The following MOB3B variants were observed in gnomAD, a reference collection of about 807,000 sequenced individuals.
MOB3B encodes MOB kinase activator-like 2B.
In MOB3B, 7 loss-of-function variants were observed where a neutral mutation model predicts 18.7. That is an observed-to-expected ratio of 0.37 (90% CI 0.21 to 0.70). The LOEUF is 0.70. Among genes scored for constraint, MOB3B ranks in the 30% least tolerant of loss-of-function variants. The pLI, the probability that MOB3B is intolerant of heterozygous loss-of-function variation, is 0.52. For synonymous variants in MOB3B, 111 were observed against 99.9 expected (o/e 1.11, Z -0.66); for missense variants, 253 against 281.3 (o/e 0.90, Z 0.72).
chr9:27,524,623 A>T (rs768558617), intron 1 of MOB3B: 9 of 1,614,046 alleles, frequency 5.6e-6, no homozygotes, highest in Non-Finnish European at 6.8e-6. Flanking sequence ...CAGGCCTTCA[A>T]CATCTTCAGC....
intron 3 of MOB3B, among the ~76,000 whole-genome samples, chr9:27,337,263 C>T (rs535498251): frequency 5.9e-5 from 9 of 152,338 alleles, no homozygotes; most frequent in Admixed American, 1.3e-4. Flanking sequence ...GGAAGCCTTT[C>T]GTCTCACAAA....
chr9:27,521,638 T>C lies in MOB3B; in HGVS notation c.-199+7917A>G, dbSNP rs549439949. Among the ~76,000 whole-genome samples, 12 of 152,320 alleles carry C rather than the reference T, an allele frequency of 7.9e-5. No homozygotes were observed. In the South Asian group the frequency reaches 8.3e-4, roughly 11 times the overall value. On this transcript the variant is annotated intron_variant, in intron 1 of 3. Coordinates refer to ENST00000262244, the MANE Select transcript of MOB3B (RefSeq NM_024761.5). ...AGAAGTTTTAGGTAGAGAAGTTATA[T>C]GAGGTATGTAAAAAGCCATGGCCCT...
At chr9:27,469,199 C>T (rs1357423553) in intron 1 of MOB3B, among the ~76,000 whole-genome samples, 2 of 152,242 alleles carry the variant, frequency 1.3e-5, no homozygotes, top group South Asian at 2.1e-4. Context: ...AAATCCTGGG[C>T]TCAAGCAGTC....
chr9:27,442,266 A>T (rs1403034312), intron 2 of MOB3B, among the ~76,000 whole-genome samples: 1 of 152,220 alleles, frequency 6.6e-6, no homozygotes, highest in Non-Finnish European at 1.5e-5. Flanking sequence ...GGGTTCTGAA[A>T]CCACAGAAAA....
At chr9:27,484,156 C>A (rs140417325) in intron 1 of MOB3B, among the ~76,000 whole-genome samples, 2 of 152,322 alleles carry the variant, frequency 1.3e-5, no homozygotes, top group African/African-American at 4.8e-5. Flanking sequence ...CAGGTCCTAT[C>A]ACAGTTGTCT....
At chr9:27,364,078 C>T (rs1821311181) in intron 2 of MOB3B, among the ~76,000 whole-genome samples, 2 of 152,282 alleles carry the variant, frequency 1.3e-5, no homozygotes, top group South Asian at 4.1e-4. Context: ...ACTTAGCTTG[C>T]TTGTGGAAGG....
chr9:27,359,869 G>T (rs1395759049), intron 2 of MOB3B, among the ~76,000 whole-genome samples: 1 of 152,174 alleles, frequency 6.6e-6, no homozygotes, highest in African/African-American at 2.4e-5. Context: ...GCAACAAATT[G>T]CAGGATCGCA....
intron 1 of MOB3B, among the ~76,000 whole-genome samples, chr9:27,489,742 T>C (rs1321781445): frequency 2.5e-5 from 1 of 39,448 alleles, no homozygotes; most frequent in Admixed American, 3.8e-4. Flanking sequence ...GGAAATAATC[T>C]TTTTTTTTTT....
intron 1 of MOB3B, among the ~76,000 whole-genome samples, chr9:27,507,478 C>T (rs887434724): frequency 1.3e-5 from 2 of 152,186 alleles, no homozygotes; most frequent in African/African-American, 4.8e-5. Context: ...GTCAACTGGT[C>T]TAGAACAAGT....
chr9:27,330,706 G>A lies in MOB3B; in HGVS notation c.622-90C>T, dbSNP rs1820774570. The A allele has an allele frequency of 5.2e-6, 8 of 1,550,146 alleles. No homozygotes were observed. The Admixed American group carries it at 1.1e-4, about 21-fold the overall frequency. On this transcript the variant is annotated intron_variant, in intron 3 of 3. Coordinates refer to ENST00000262244, the MANE Select transcript of MOB3B (RefSeq NM_024761.5). ...ATCCTGAAAATGCTCTTGGAATCTC[G>A]AGAGCCTGTAAATGAAAGCTTGCAA...
At chr9:27,523,656 T>C (rs1233427893) in intron 1 of MOB3B, among the ~76,000 whole-genome samples, 1 of 152,174 alleles carries the variant, frequency 6.6e-6, no homozygotes, top group Non-Finnish European at 1.5e-5. Context: ...CATTTTCTAA[T>C]GCAACAGAAA....
intron 2 of MOB3B, among the ~76,000 whole-genome samples, chr9:27,381,043 T>C (rs1821570841): frequency 6.6e-6 from 1 of 152,176 alleles, no homozygotes; most frequent in Non-Finnish European, 1.5e-5. Flanking sequence ...GTTTAACCTC[T>C]CTAGGTTTCA....
intron 1 of MOB3B, among the ~76,000 whole-genome samples, chr9:27,488,746 G>A (rs975274947): frequency 1.2e-4 from 18 of 152,158 alleles, no homozygotes; most frequent in Non-Finnish European, 2.5e-4. Flanking sequence ...CATACCCATC[G>A]AGTAGCACTG....
intron 2 of MOB3B, among the ~76,000 whole-genome samples, chr9:27,368,414 C>G (rs954717890): frequency 1.3e-5 from 2 of 151,248 alleles, no homozygotes; most frequent in African/African-American, 4.9e-5. Context: ...AGAGAAGCTT[C>G]GTGTTCTTGC....
At position 27,373,617 on chromosome 9, in the gene MOB3B, G is replaced by C. The variant is rs182043744; in HGVS notation, c.419-14381C>G. ...ACCTACCTACAATGAAAATTCTATA[G>C]AAAAAGGATTTCTTAAGTTCCAAAA... On this transcript the variant is annotated intron_variant, in intron 2 of 3. Transcript: ENST00000262244. Among the ~76,000 whole-genome samples the C allele has an allele frequency of 1.7e-3, 252 of 152,176 alleles. 4 individuals carry two copies. The highest frequency in any genetic ancestry group is 5.9e-3 in the African/African-American group (247 of 41,520).
chr9:27,357,144 A>ATGTG (rs1554645171), intron 3 of MOB3B, among the ~76,000 whole-genome samples: 2 of 80,966 alleles, frequency 2.5e-5, no homozygotes, highest in African/African-American at 8.3e-5. Flanking sequence ...ATATATATAT[A>ATGTG]TGTGTTTTTT....
intron 3 of MOB3B, among the ~76,000 whole-genome samples, chr9:27,357,553 A>G (rs1335209926): frequency 3.9e-5 from 6 of 151,932 alleles, no homozygotes; most frequent in African/African-American, 1.5e-4. Context: ...AAACCTGCTT[A>G]CCCTGTCTGG....
At chr9:27,345,912 A>G (rs1587144476) in intron 3 of MOB3B, among the ~76,000 whole-genome samples, 3 of 152,202 alleles carry the variant, frequency 2.0e-5, no homozygotes, top group East Asian at 1.9e-4. Context: ...CTAGTTGAGT[A>G]AGTAAGCCTT....
intron 2 of MOB3B, among the ~76,000 whole-genome samples, chr9:27,410,380 T>G (rs4879471): frequency 6.6e-6 from 1 of 151,874 alleles, no homozygotes; most frequent in African/African-American, 2.4e-5. Flanking sequence ...GATGATGGCA[T>G]GGGAATATTG....
Sources: allele counts gnomAD v4.1 joint callset (sites outside exome capture counted in the v4.1 genomes callset), GRCh38; gene constraint gnomAD v4.1.1; transcripts MANE v1.5; gene names NCBI Gene and HGNC (gene_info 2026-07-23, HGNC 2026-07-21).